NKAIN3: variants seen among roughly 807,000 people sequenced by gnomAD.
NKAIN3 encodes sodium/potassium-transporting ATPase subunit beta-1-interacting protein 3.
Under a neutral mutation model 30.2 loss-of-function variants are expected in NKAIN3, and 25 were observed. That is an observed-to-expected ratio of 0.83 (90% CI 0.60 to 1.16). The LOEUF (loss-of-function observed/expected upper bound fraction) is 1.16. Among genes scored for constraint, NKAIN3 ranks in the 50% most tolerant of loss-of-function variants. The probability of loss-of-function intolerance (pLI) is 0.00; values close to 1 mark genes in which losing one functional copy is unlikely to be tolerated. For missense variants in NKAIN3, 225 were observed against 254.1 expected (o/e 0.89, Z 0.78); for synonymous variants, 91 against 89.6 (o/e 1.02, Z -0.09).
intron 4 of NKAIN3, among the ~76,000 whole-genome samples, chr8:62,790,157 C>T (rs1490539477): frequency 6.6e-6 from 1 of 152,122 alleles, no homozygotes; most frequent in African/African-American, 2.4e-5. Flanking sequence ...GCTGGTTCAA[C>T]ATATGAAAAT....
At chr8:62,408,416 T>G (rs1804142730) in intron 1 of NKAIN3, among the ~76,000 whole-genome samples, 1 of 152,180 alleles carries the variant, frequency 6.6e-6, no homozygotes, top group Non-Finnish European at 1.5e-5. Context: ...TACTCTCACC[T>G]GTAGAGTATG....
At chr8:62,436,814 C>T (rs1312782227) in intron 1 of NKAIN3, among the ~76,000 whole-genome samples, 1 of 152,090 alleles carries the variant, frequency 6.6e-6, no homozygotes, top group Non-Finnish European at 1.5e-5. Context: ...GTGCATTTTT[C>T]ATGTTTCTCA....
intron 3 of NKAIN3, among the ~76,000 whole-genome samples, chr8:62,618,449 T>C (rs1337906612): frequency 6.6e-6 from 1 of 152,212 alleles, no homozygotes; most frequent in Non-Finnish European, 1.5e-5. Context: ...TCAAAGCAGC[T>C]GTCTCATCCT....
At chr8:62,934,037 G>A (rs1822705544) in intron 5 of NKAIN3, among the ~76,000 whole-genome samples, 1 of 152,176 alleles carries the variant, frequency 6.6e-6, no homozygotes, top group Non-Finnish European at 1.5e-5. Flanking sequence ...CACAATTTGT[G>A]TGTCTTTAAA....
intron 4 of NKAIN3, among the ~76,000 whole-genome samples, chr8:62,833,170 T>C (rs1483678919): frequency 6.6e-6 from 1 of 152,000 alleles, no homozygotes; most frequent in Non-Finnish European, 1.5e-5. Context: ...CATACCAAAA[T>C]CTTTGGGATG....
At chr8:62,556,813 C>T (rs962554174) in intron 1 of NKAIN3, among the ~76,000 whole-genome samples, 3 of 151,882 alleles carry the variant, frequency 2.0e-5, no homozygotes, top group Admixed American at 1.3e-4. Flanking sequence ...TAAAAGATAA[C>T]GTAAAAACCC....
At chr8:62,748,967 T>C (rs898193330) in intron 4 of NKAIN3, among the ~76,000 whole-genome samples, 1 of 152,162 alleles carries the variant, frequency 6.6e-6, no homozygotes, top group East Asian at 1.9e-4. Context: ...TTTAAATTTT[T>C]GTCTTGAAAA....
At chr8:62,377,093 G>A (rs143691360) in intron 1 of NKAIN3, among the ~76,000 whole-genome samples, 59 of 152,140 alleles carry the variant, frequency 3.9e-4, no homozygotes, top group African/African-American at 1.3e-3. Flanking sequence ...TAATGTAATG[G>A]AAAATTAACA....
intron 1 of NKAIN3, among the ~76,000 whole-genome samples, chr8:62,357,962 G>A (rs1816412440): frequency 6.6e-6 from 1 of 152,070 alleles, no homozygotes; most frequent in Non-Finnish European, 1.5e-5. Flanking sequence ...GTTCTTTGGA[G>A]GTAGCACATA....
At position 62,826,826 on chromosome 8, in the gene NKAIN3, C is replaced by T. The variant is rs147995840; in HGVS notation, c.471+79697C>T. The stretch of plus-strand genomic sequence containing the variant: ...AACAGAGGAAGTGTAAGAACTTAAA[C>T]AGCTGAGACATGCTGAATTGTAATG... On this transcript the variant is annotated intron_variant, in intron 4 of 6. Coordinates refer to ENST00000623646, the MANE Select transcript of NKAIN3 (RefSeq NM_001304533.3). Among the ~76,000 whole-genome samples the T allele has an allele frequency of 2.5e-3, 388 of 152,316 alleles. 2 individuals carry two copies. Among genetic ancestry groups the T allele is most frequent in the African/African-American group, 9.0e-3 (375 of 41,576 alleles).
At chr8:62,421,982 G>A (rs765862024) in intron 1 of NKAIN3, among the ~76,000 whole-genome samples, 1 of 151,970 alleles carries the variant, frequency 6.6e-6, no homozygotes, top group Non-Finnish European at 1.5e-5. Flanking sequence ...GAACCATCGC[G>A]GTGAACAGGA....
chr8:62,585,151 A>G (rs1331900140), intron 2 of NKAIN3, among the ~76,000 whole-genome samples: 7 of 152,196 alleles, frequency 4.6e-5, no homozygotes, highest in Admixed American at 2.6e-4. Flanking sequence ...ATGATAAAAT[A>G]GTATGTGCTG....
chr8:62,310,738 C>A (rs1814401056), intron 1 of NKAIN3, among the ~76,000 whole-genome samples: 1 of 150,110 alleles, frequency 6.7e-6, no homozygotes, highest in Admixed American at 6.6e-5. Context: ...TCATATCTGC[C>A]CAGCCCGAGT....
chr8:62,286,529 C>A (rs938415226), intron 1 of NKAIN3, among the ~76,000 whole-genome samples: 3 of 152,078 alleles, frequency 2.0e-5, no homozygotes, highest in African/African-American at 7.2e-5. Flanking sequence ...TAATTTAATA[C>A]AATAGGACTT....
intron 4 of NKAIN3, among the ~76,000 whole-genome samples, chr8:62,805,063 A>G (rs531759274): frequency 6.6e-6 from 1 of 152,338 alleles, no homozygotes; most frequent in East Asian, 1.9e-4. Flanking sequence ...TGCTTCAAAG[A>G]GAATAAAATA....
At chr8:62,487,240 GAC>G (rs1806930416) in intron 1 of NKAIN3, among the ~76,000 whole-genome samples, 1 of 152,292 alleles carries the variant, frequency 6.6e-6, no homozygotes, top group East Asian at 1.9e-4. Context: ...CAGATTTTCT[GAC>G]ACACTAAATT....
chr8:62,490,288 G>T (rs1807027000), intron 1 of NKAIN3, among the ~76,000 whole-genome samples: 1 of 152,124 alleles, frequency 6.6e-6, no homozygotes, highest in Non-Finnish European at 1.5e-5. Flanking sequence ...TTCCATTTGT[G>T]CCCATGCCCA....
At chr8:62,931,308 T>C (rs918756506) in intron 5 of NKAIN3, among the ~76,000 whole-genome samples, 4 of 152,180 alleles carry the variant, frequency 2.6e-5, no homozygotes, top group African/African-American at 9.6e-5. Flanking sequence ...AAGTATAAAA[T>C]CAATCACTCA....
At chr8:62,929,005 T>A (rs1243887047) in intron 5 of NKAIN3, among the ~76,000 whole-genome samples, 3 of 152,196 alleles carry the variant, frequency 2.0e-5, no homozygotes, top group African/African-American at 7.2e-5. Context: ...GCCTCCAGCA[T>A]GCCTGGGAAG....
Sources: gnomAD v4.1 joint callset for allele counts (sites outside exome capture counted in the v4.1 genomes callset) on GRCh38, gnomAD v4.1.1 for gene constraint, MANE v1.5 for transcripts, NCBI Gene and HGNC (gene_info 2026-07-23, HGNC 2026-07-21) for gene names.